Variants in GALK1 observed in about 807,000 individuals in gnomAD.
The protein encoded by GALK1 is galactokinase.
GALK1 carries 30 observed loss-of-function variants against 38.6 expected under a neutral mutation model. That is an observed-to-expected ratio of 0.78 (90% CI 0.58 to 1.05). GALK1 has a LOEUF of 1.05. Ranked by LOEUF, GALK1 falls within the 50% of genes least tolerant of loss-of-function variation. GALK1 has a pLI of 0.00. For missense variants in GALK1, 512 were observed against 540.5 expected, an observed-to-expected ratio of 0.95 and a Z score of 0.52; for synonymous variants, 240 against 233.6, an observed-to-expected ratio of 1.03 and a Z score of -0.25.
intron 5 of GALK1, among the ~76,000 whole-genome samples, chr17:75,762,493 G>C (rs2061591439): frequency 2.0e-5 from 3 of 152,118 alleles, no homozygotes; most frequent in Admixed American, 6.5e-5. Context: ...TTCCACAATG[G>C]AAACATGATT....
chr17:75,758,418 C>T (rs747150097), intron 6 of GALK1, 31 bp downstream of exon 6: 6 of 1,575,482 alleles, frequency 3.8e-6, no homozygotes, highest in African/African-American at 2.7e-5. Flanking sequence ...GGCCTGTGCC[C>T]GGCAGGAGCG....
chr17:75,765,138 A>T lies in GALK1; in HGVS notation c.-2T>A. The T allele has an allele frequency of 1.3e-6, 2 of 1,559,772 alleles. No individual in the cohort carries two copies. Among genetic ancestry groups the T allele is most frequent in the Non-Finnish European group, 1.7e-6 (2 of 1,154,844 alleles). On this transcript the variant is annotated 5_prime_UTR_variant, in exon 1 of 8. Coordinates refer to ENST00000588479, the MANE Select transcript of GALK1 (RefSeq NM_000154.2). ...CTGGGGCTGTCTCAAAGCAGCCATG[A>T]CGCGCGCCTGCAGCTCTGCACAGCT...
downstream of GALK1, chr17:75,757,580 C>T (rs9367): frequency 0.78 from 1,253,423 of 1,612,750 alleles, 491,937 homozygotes; most frequent in Non-Finnish European, 0.81. Context: ...ACCCCCGCCA[C>T]GTCCCACTAG....
chr17:75,763,157 A>G lies in GALK1; in HGVS notation c.476-8T>C. The G allele has an allele frequency of 6.2e-7, 1 of 1,611,542 alleles. No individual in the cohort carries two copies. Among genetic ancestry groups the G allele is most frequent in the Non-Finnish European group, 8.5e-7 (1 of 1,179,824 alleles). On this transcript the variant is annotated splice_polypyrimidine_tract_variant and splice_region_variant and intron_variant, in intron 3 of 7. Transcript: ENST00000588479. ...CAGCTATTGTGCCCGAGTCTGCAGTACAGGGTGAGGTGGGGAGGCTAGGGC... is the reference window on the plus strand; with the variant it reads ...CAGCTATTGTGCCCGAGTCTGCAGTGCAGGGTGAGGTGGGGAGGCTAGGGC...
chr17:75,763,569 G>A, intron 2 of GALK1, 130 bp from the exon 3 acceptor site: 1 of 1,078,588 alleles, frequency 9.3e-7, no homozygotes, highest in Non-Finnish European at 1.4e-6. Context: ...TCAATTGTCA[G>A]AAGCCACCAA....
intron 1 of GALK1, 56 bp from the exon 2 acceptor site, chr17:75,764,142 C>A: frequency 6.8e-7 from 1 of 1,461,564 alleles, no homozygotes; most frequent in South Asian, 1.2e-5. Flanking sequence ...TAAGCCTCTC[C>A]AATGACACTG....
At position 75,763,407 on chromosome 17, in the gene GALK1, C is replaced by T; in HGVS notation, c.388G>A (p.Val130Ile). 2 of 1,611,156 alleles carry T rather than the reference C, an allele frequency of 1.2e-6. No individual in the cohort carries two copies. The highest frequency in any genetic ancestry group is 2.2e-5 in the South Asian group (2 of 90,562). The change falls in exon 3 of 8, where the codon GTC (valine) becomes ATC (isoleucine). Residue 130 changes from valine (V) to isoleucine (I), a missense_variant. Transcript: ENST00000588479. ...APLPGFSAVV[V>I]SSVPLGGGLS... ...CCACCCCCCAGGGGCACTGAGCTGA[C>T]CACCACTGCACTGAAGCCAGGGAGG... is the stretch of plus-strand genomic sequence containing the variant.
At chr17:75,753,668 C>A, downstream of GALK1, 1 of 788,084 alleles carries the variant, frequency 1.3e-6, no homozygotes, top group Non-Finnish European at 1.7e-6. Context: ...GAGCTGGAGA[C>A]GGGCTCCCCT....
At chr17:75,758,186 G>A (rs753437577) in intron 7 of GALK1, 24 bp downstream of exon 7, 26 of 1,608,750 alleles carry the variant, frequency 1.6e-5, no homozygotes, top group Admixed American at 3.4e-5. Context: ...GCTCCTGCCC[G>A]CCCAGGCCCT....
chr17:75,755,284 C>A, downstream of GALK1: 1 of 1,504,002 alleles, frequency 6.6e-7, no homozygotes, highest in South Asian at 1.2e-5. Flanking sequence ...CCATAGCAGC[C>A]GCCAGCTGTG....
chr17:75,755,138 G>A (rs2061465938), downstream of GALK1: 1 of 1,611,814 alleles, frequency 6.2e-7, no homozygotes, highest in Non-Finnish European at 8.5e-7. Context: ...TCAGATGAAA[G>A]GGTTCCCCCC....
At chr17:75,754,857 C>A (rs746703082), downstream of GALK1, 3 of 1,613,388 alleles carry the variant, frequency 1.9e-6, no homozygotes, top group Admixed American at 5.0e-5. Context: ...ACTAACCCTT[C>A]CTCTCTTCCA....
intron 5 of GALK1, among the ~76,000 whole-genome samples, chr17:75,759,068 T>A (rs1177054712): frequency 6.6e-6 from 1 of 151,226 alleles, no homozygotes; most frequent in Non-Finnish European, 1.5e-5. Context: ...AACCCGCAGG[T>A]TTAAGGGGGA....
At position 75,763,961 on chromosome 17, in the gene GALK1, G is replaced by C. The variant is rs368542855; in HGVS notation, c.291C>G (p.Arg97=). Residue 97 remains arginine, a synonymous_variant, in exon 2 of 8, where the codon CGC becomes CGG. Coordinates refer to ENST00000588479, the MANE Select transcript of GALK1 (RefSeq NM_000154.2). ...RLQFPLPTAQ[R]SLEPGTPRWA... is the part of the protein sequence containing the mutation. ...ACCGAGGAGTCCCAGGCTCCAGCGA[G>C]CGCTGGGCTGTGGGCAGTGGAAACT... The C allele has an allele frequency of 3.0e-5, 48 of 1,613,276 alleles. No homozygotes were observed. The highest frequency in any genetic ancestry group is 1.1e-5 in the Non-Finnish European group (13 of 1,179,968).
chr17:75,752,939 G>T (rs1392900983), downstream of GALK1, among the ~76,000 whole-genome samples: 3 of 152,166 alleles, frequency 2.0e-5, no homozygotes, highest in Non-Finnish European at 4.4e-5. Flanking sequence ...CCTGGCAGGG[G>T]TAGGGGAGCC....
chr17:75,753,913 C>CGGCGGCGCG, downstream of GALK1: 2 of 1,287,204 alleles, frequency 1.6e-6, no homozygotes, highest in Non-Finnish European at 2.0e-6. Context: ...CCCCGGACGA[C>CGGCGGCGCG]GGCGGCGCGG....
At chr17:75,753,463 C>T (rs147077334), downstream of GALK1, among the ~76,000 whole-genome samples, 12 of 152,370 alleles carry the variant, frequency 7.9e-5, no homozygotes, top group East Asian at 2.3e-3. Context: ...CAAGGGAGAC[C>T]TCACAGCTGG....
chr17:75,756,680 A>G (rs769649198), downstream of GALK1: 4 of 1,613,232 alleles, frequency 2.5e-6, no homozygotes, highest in Middle Eastern at 3.3e-4. Flanking sequence ...CCACAGGCTG[A>G]TGCTCTTCCT....
intron 2 of GALK1, 156 bp downstream of exon 2, chr17:75,763,741 C>T (rs772208555): frequency 2.1e-5 from 18 of 865,890 alleles, no homozygotes; most frequent in African/African-American, 5.0e-5. Context: ...GGCAAGTTCC[C>T]GACCTTCTGG....
Sources: allele counts gnomAD v4.1 joint callset (sites outside exome capture counted in the v4.1 genomes callset), GRCh38; gene constraint gnomAD v4.1.1; transcripts MANE v1.5; gene names NCBI Gene and HGNC (gene_info 2026-07-23, HGNC 2026-07-21).